The following RANBP2 variants were observed in gnomAD, a reference collection of about 807,000 sequenced individuals.
The protein encoded by RANBP2 is E3 SUMO-protein ligase RanBP2.
A neutral mutation model predicts 303.6 loss-of-function variants in RANBP2; 57 were observed. The ratio of observed to expected loss-of-function variants is 0.19; its 90% CI spans 0.15 to 0.23. The LOEUF (loss-of-function observed/expected upper bound fraction) is 0.23, where lower values mean the gene tolerates loss of function less well. Among genes scored for constraint, RANBP2 ranks in the 10% least tolerant of loss-of-function variants. RANBP2 has a pLI of 1.00. For synonymous variants in RANBP2, 1,167 were observed against 1,301.5 expected (o/e 0.90, Z 2.23); for missense variants, 3,138 against 3,780.8 (o/e 0.83, Z 4.46).
At chr2:108,922,001 C>T in the RANBP2 span, among the ~76,000 whole-genome samples, 1 of 152,236 alleles carries the variant, frequency 6.6e-6, no homozygotes, top group African/African-American at 2.4e-5. Flanking sequence ...TCTTTAAAAT[C>T]TTGAGGACTC....
At chr2:108,744,741 T>C (rs1380007487) in intron 7 of RANBP2, among the ~76,000 whole-genome samples, 3 of 152,238 alleles carry the variant, frequency 2.0e-5, no homozygotes, top group African/African-American at 4.8e-5. Context: ...GAAAGAATTA[T>C]ATATACATGG....
the RANBP2 span, chr2:108,910,829 C>A: frequency 6.2e-7 from 1 of 1,613,890 alleles, no homozygotes; most frequent in Non-Finnish European, 8.5e-7. Flanking sequence ...CACGCTCTTC[C>A]CCGGGTGGCT....
the RANBP2 span, among the ~76,000 whole-genome samples, chr2:109,378,879 A>C: frequency 6.6e-6 from 1 of 152,130 alleles, no homozygotes; most frequent in African/African-American, 2.4e-5. Context: ...GTTCCCTCAT[A>C]TGAATGCCCT....
the RANBP2 span, among the ~76,000 whole-genome samples, chr2:109,268,190 C>A: frequency 6.6e-6 from 1 of 152,036 alleles, no homozygotes; most frequent in Non-Finnish European, 1.5e-5. Context: ...AGGGGATGGG[C>A]AGGCTAGAAT....
the RANBP2 span, among the ~76,000 whole-genome samples, chr2:108,791,318 CT>C: frequency 6.6e-6 from 1 of 152,196 alleles, no homozygotes; most frequent in Admixed American, 6.5e-5. Context: ...AGTTATTTGA[CT>C]TACTTAGGTT....
the RANBP2 span, among the ~76,000 whole-genome samples, chr2:109,509,950 A>C: frequency 6.6e-6 from 1 of 152,228 alleles, no homozygotes; most frequent in Non-Finnish European, 1.5e-5. Context: ...AGGGCAAAGT[A>C]CTAAGGGATC....
chr2:109,603,914 C>A, the RANBP2 span, among the ~76,000 whole-genome samples: 2 of 151,968 alleles, frequency 1.3e-5, no homozygotes, highest in South Asian at 2.1e-4. Flanking sequence ...GTAATCCCAG[C>A]ACTTTGGGAG....
At chr2:108,943,690 C>T in the RANBP2 span, among the ~76,000 whole-genome samples, 3 of 152,298 alleles carry the variant, frequency 2.0e-5, no homozygotes, top group South Asian at 2.1e-4. Flanking sequence ...CAGCAGCCAT[C>T]CTTTCTTGGC....
intron 1 of RANBP2, among the ~76,000 whole-genome samples, chr2:108,724,301 ACAGGTGTGTGC>A (rs1317915132): frequency 6.6e-6 from 1 of 152,172 alleles, no homozygotes; most frequent in Non-Finnish European, 1.5e-5. Flanking sequence ...TAGTGGGATT[ACAGGTGTGTGC>A]CACCATGCCC....
At chr2:109,531,210 ATC>A in the RANBP2 span, among the ~76,000 whole-genome samples, 2 of 152,158 alleles carry the variant, frequency 1.3e-5, no homozygotes, top group Non-Finnish European at 1.5e-5. Context: ...ATATCAGAGC[ATC>A]TCTCTTTTTT....
At chr2:109,460,694 A>T in the RANBP2 span, among the ~76,000 whole-genome samples, 1 of 143,208 alleles carries the variant, frequency 7.0e-6, no homozygotes, top group Non-Finnish European at 1.5e-5. Context: ...GTCTTTTCAC[A>T]TGTGCTTTTC....
chr2:109,667,429 T>A, the RANBP2 span: 9 of 372,216 alleles, frequency 2.4e-5, no homozygotes, highest in Non-Finnish European at 3.9e-5. Flanking sequence ...GAACTATAGG[T>A]TAGAGGCAGG....
the RANBP2 span, among the ~76,000 whole-genome samples, chr2:109,416,046 A>C: frequency 3.3e-5 from 5 of 152,348 alleles, no homozygotes; most frequent in Admixed American, 3.3e-4. Context: ...CCCACCAGCA[A>C]GAAGGCTGTC....
the RANBP2 span, among the ~76,000 whole-genome samples, chr2:109,446,465 T>C: frequency 6.6e-6 from 1 of 152,086 alleles, no homozygotes; most frequent in African/African-American, 2.4e-5. Context: ...TGTGAGGAGC[T>C]AAGAGCCTTG....
chr2:108,984,297 G>A, the RANBP2 span, among the ~76,000 whole-genome samples: 3 of 152,122 alleles, frequency 2.0e-5, no homozygotes, highest in Non-Finnish European at 4.4e-5. Context: ...ACAGCAACCG[G>A]CGTGGCATGG....
the RANBP2 span, among the ~76,000 whole-genome samples, chr2:109,570,143 T>C: frequency 6.6e-6 from 1 of 152,198 alleles, no homozygotes; most frequent in Non-Finnish European, 1.5e-5. Flanking sequence ...CTGTCTAGTT[T>C]GTACAATAGA....
At chr2:109,232,027 G>A in the RANBP2 span, among the ~76,000 whole-genome samples, 5 of 152,102 alleles carry the variant, frequency 3.3e-5, no homozygotes, top group Admixed American at 6.6e-5. Flanking sequence ...TTATTTATCC[G>A]TTCATTAGAT....
At chr2:109,246,549 A>G in the RANBP2 span, among the ~76,000 whole-genome samples, 16 of 152,326 alleles carry the variant, frequency 1.1e-4, no homozygotes, top group Admixed American at 7.8e-4. Flanking sequence ...AAGGAATATC[A>G]TGCCTAACAG....
At chr2:109,169,088 G>A in the RANBP2 span, among the ~76,000 whole-genome samples, 1 of 152,172 alleles carries the variant, frequency 6.6e-6, no homozygotes, top group Admixed American at 6.5e-5. Context: ...GCCTTTGGAG[G>A]AGCCAGAATT....
Sources: gnomAD v4.1 joint callset for allele counts (sites outside exome capture counted in the v4.1 genomes callset) on GRCh38, gnomAD v4.1.1 for gene constraint, MANE v1.5 for transcripts, NCBI Gene and HGNC (gene_info 2026-07-23, HGNC 2026-07-21) for gene names.